Variants in CREM observed in about 807,000 individuals in gnomAD.
The protein encoded by CREM is cAMP responsive element modulator, also known as cAMP-responsive element modulator.
Under a neutral mutation model 37.3 loss-of-function variants are expected in CREM, and 13 were observed. The ratio of observed to expected loss-of-function variants is 0.35; its 90% CI spans 0.23 to 0.55. CREM has a LOEUF of 0.55. Among genes scored for constraint, CREM ranks in the 20% least tolerant of loss-of-function variants. CREM has a pLI of 0.88. For synonymous variants in CREM, 124 were observed against 120.2 expected, an observed-to-expected ratio of 1.03 and a Z score of -0.21; for missense variants, 296 against 362.3, an observed-to-expected ratio of 0.82 and a Z score of 1.49.
chr10:35,130,526 T>A (rs944995621), intron 1 of CREM, among the ~76,000 whole-genome samples: 2 of 152,242 alleles, frequency 1.3e-5, no homozygotes, highest in African/African-American at 4.8e-5. Context: ...AATGATGTTT[T>A]GTTCAATGAT....
intron 2 of CREM, 33 bp from the exon 3 acceptor site, chr10:35,148,335 C>G: frequency 1.3e-6 from 2 of 1,593,110 alleles, no homozygotes; most frequent in Non-Finnish European, 1.7e-6. Context: ...AAGATAGGGC[C>G]TTAATTTGTC....
chr10:35,211,575 A>C lies in CREM; in HGVS notation c.*177A>C. 1 of 1,550,458 alleles carries C rather than the reference A, an allele frequency of 6.4e-7. No homozygotes were observed. ...GGATGTGGAATGCAGCCGTGATCAC[A>C]CTTACCGAGCTTACTTTGATCTGTT... is the stretch of plus-strand genomic sequence containing the variant. On this transcript the variant is annotated 3_prime_UTR_variant, in exon 8 of 8. Transcript: ENST00000685392.
At chr10:35,177,284 C>T (rs1394491014) in intron 3 of CREM, among the ~76,000 whole-genome samples, 1 of 152,128 alleles carries the variant, frequency 6.6e-6, no homozygotes, top group Non-Finnish European at 1.5e-5. Flanking sequence ...TAATTCTCAT[C>T]ATTATCTTTT....
At chr10:35,170,794 C>G (rs2093776266) in intron 3 of CREM, among the ~76,000 whole-genome samples, 1 of 151,974 alleles carries the variant, frequency 6.6e-6, no homozygotes, top group Admixed American at 6.6e-5. Flanking sequence ...TCTCTCTTTT[C>G]TTCTTTATTG....
At chr10:35,151,766 T>G (rs556654857) in intron 3 of CREM, among the ~76,000 whole-genome samples, 1 of 152,240 alleles carries the variant, frequency 6.6e-6, no homozygotes, top group Non-Finnish European at 1.5e-5. Context: ...TGCCGACTTA[T>G]GGATTATTTT....
intron 6 of CREM, among the ~76,000 whole-genome samples, chr10:35,196,820 G>A: frequency 6.8e-6 from 1 of 147,648 alleles, no homozygotes. Flanking sequence ...CTAAGCATAA[G>A]ACTCATAACA....
intron 7 of CREM, among the ~76,000 whole-genome samples, chr10:35,208,808 C>T (rs145445810): frequency 1.3e-5 from 2 of 152,144 alleles, no homozygotes; most frequent in Admixed American, 6.6e-5. Context: ...GGTCTTTAGT[C>T]CCTAGCTGTA....
chr10:35,183,805 TG>T (rs1260222323), intron 5 of CREM, among the ~76,000 whole-genome samples: 3 of 152,250 alleles, frequency 2.0e-5, no homozygotes, highest in African/African-American at 7.2e-5. Flanking sequence ...CCGGGCGTGA[TG>T]GTTCACGCCT....
intron 2 of CREM, among the ~76,000 whole-genome samples, chr10:35,146,858 G>C (rs997087023): frequency 2.0e-5 from 3 of 152,014 alleles, no homozygotes; most frequent in African/African-American, 7.2e-5. Flanking sequence ...AGTAGATGAA[G>C]GATCTGTAGA....
intron 2 of CREM, among the ~76,000 whole-genome samples, chr10:35,140,573 A>G (rs1416729786): frequency 1.3e-5 from 2 of 152,200 alleles, no homozygotes; most frequent in East Asian, 1.9e-4. Flanking sequence ...ATGCATGGAA[A>G]TCTATAAGAT....
At position 35,134,587 on chromosome 10, in the gene CREM, A is replaced by G. The variant is rs564125699; in HGVS notation, c.-54-3195A>G. ...CATATTGTATTTGTTTGCTTATATT[A>G]TATGAGCATTTTCCAACATTTGCTT... On this transcript the variant is annotated intron_variant, in intron 1 of 7. Coordinates refer to ENST00000685392, the MANE Select transcript of CREM (RefSeq NM_183011.2). Among the ~76,000 whole-genome samples, 45 of 152,340 alleles carry G rather than the reference A, an allele frequency of 3.0e-4. 1 individual carries two copies. The South Asian group carries it at 8.1e-3, about 27-fold the overall frequency.
chr10:35,152,501 A>G (rs1254356144), intron 3 of CREM: 1 of 152,216 alleles, frequency 6.6e-6, no homozygotes, highest in South Asian at 2.1e-4. Context: ...GTAATGTCAA[A>G]AAGTTGGAAG....
At chr10:35,131,493 T>G (rs1339417386) in intron 1 of CREM, among the ~76,000 whole-genome samples, 1 of 152,216 alleles carries the variant, frequency 6.6e-6, no homozygotes, top group Non-Finnish European at 1.5e-5. Context: ...AACTGGAATT[T>G]ATATCTTAGC....
intron 5 of CREM, among the ~76,000 whole-genome samples, chr10:35,186,974 AT>A (rs1408575237): frequency 8.6e-5 from 8 of 92,986 alleles, no homozygotes; most frequent in Non-Finnish European, 1.1e-4. Flanking sequence ...TAATTTATAT[AT>A]TATATGTGAT....
chr10:35,137,709 AT>A, intron 1 of CREM, 72 bp from the exon 2 acceptor site: 1 of 600,456 alleles, frequency 1.7e-6, no homozygotes, highest in Non-Finnish European at 2.7e-6. Flanking sequence ...TTTAATTTAA[AT>A]AAAATTTAAT....
At chr10:35,152,584 C>T (rs4934537) in intron 3 of CREM, among the ~76,000 whole-genome samples, 44,504 of 151,980 alleles carry the variant, frequency 0.29, 7,066 homozygotes, top group South Asian at 0.35. Flanking sequence ...TTTCTTCTTG[C>T]CTAAATTATT....
intron 7 of CREM, among the ~76,000 whole-genome samples, chr10:35,207,696 C>T (rs1201329729): frequency 6.6e-6 from 1 of 152,032 alleles, no homozygotes; most frequent in Non-Finnish European, 1.5e-5. Flanking sequence ...ATCACTTGAA[C>T]CCGGAAGGCG....
In CREM at chr10:35,187,131, A is replaced by AT. The variant is rs1253511267; in HGVS notation, c.410-1069_410-1068insT. On this transcript the variant is annotated intron_variant, in intron 5 of 7. Transcript: ENST00000685392. ...TATTATATAAATATATAAATATATT[A>AT]ATATATTAATATATAATATATATAA... 9.9e-4 allele frequency among the ~76,000 whole-genome samples: 83 copies of AT among 83,734 alleles called. No individual in the cohort carries two copies. In the East Asian group the frequency reaches 9.9e-3, roughly 10 times the overall value. 54.9% of individuals were successfully genotyped at this position (83,734 alleles called of 152,430 possible).
chr10:35,185,062 C>CATTG (rs1287349960), intron 5 of CREM, among the ~76,000 whole-genome samples: 1 of 142,250 alleles, frequency 7.0e-6, no homozygotes, highest in African/African-American at 2.5e-5. Flanking sequence ...TTCATTCATT[C>CATTG]ATTCTATTTT....
Sources: gnomAD v4.1 joint callset for allele counts (sites outside exome capture counted in the v4.1 genomes callset) on GRCh38, gnomAD v4.1.1 for gene constraint, MANE v1.5 for transcripts, NCBI Gene and HGNC (gene_info 2026-07-23, HGNC 2026-07-21) for gene names.